Variants in GRHL1 observed in about 807,000 individuals in gnomAD.
The protein encoded by GRHL1 is grainyhead-like protein 1 homolog.
GRHL1 carries 38 observed loss-of-function variants against 75.7 expected under a neutral mutation model. The observed-to-expected ratio is 0.50, with a 90% CI of 0.39 to 0.66. The LOEUF (loss-of-function observed/expected upper bound fraction) is 0.66. Among genes scored for constraint, GRHL1 ranks in the 30% least tolerant of loss-of-function variants. The pLI is 0.00. For missense variants in GRHL1, 589 were observed against 767.5 expected (o/e 0.77, Z 2.75); for synonymous variants, 266 against 279.4 (o/e 0.95, Z 0.48).
At chr2:9,969,874 A>T (rs4635506) in intron 8 of GRHL1, among the ~76,000 whole-genome samples, 1 of 135,920 alleles carries the variant, frequency 7.4e-6, no homozygotes, top group Admixed American at 7.9e-5. Flanking sequence ...ATGGAGTCTC[A>T]CTCTTTCGCC....
Position 9,965,300 on chromosome 2 carries a change from A to G in GRHL1, c.1029A>G (p.Glu343=). ...QRCIDIADYK[E]SFNTISNIEE... Reference sequence around the variant, plus strand: ...CGCTTCCTGTAGCTGACTATAAAGAAAGCTTCAACACTATCAGTAACATCG... The same window carrying G: ...CGCTTCCTGTAGCTGACTATAAAGAGAGCTTCAACACTATCAGTAACATCG... The change falls in exon 8 of 16, where the codon GAA becomes GAG. Residue 343 remains glutamate, a synonymous_variant. Transcript: ENST00000324907. 6.3e-7 allele frequency: 1 copy of G among 1,599,878 alleles called. No individual in the cohort carries two copies. Among genetic ancestry groups the G allele is most frequent in the Non-Finnish European group, 8.6e-7 (1 of 1,167,140 alleles).
chr2:9,990,679 C>T lies in GRHL1; in HGVS notation c.1270-17C>T, dbSNP rs191024956. ...ATTGGAAAACAGAATCATATCTTGT[C>T]TTCTCTTAACCTACAGGGAGCTGAG... On this transcript the variant is annotated splice_polypyrimidine_tract_variant and intron_variant, in intron 9 of 15. Coordinates refer to ENST00000324907, the MANE Select transcript of GRHL1 (RefSeq NM_198182.3). This position sits in a 1 kb window ranked among gnomAD's most constrained non-coding sequence, Gnocchi z 4.2. The T allele has an allele frequency of 1.4e-3, 2,194 of 1,547,278 alleles. 2 individuals are homozygous for T. The highest frequency in any genetic ancestry group is 1.8e-3 in the Non-Finnish European group (1,979 of 1,128,444).
In GRHL1 at chr2:9,998,476, A is replaced by G; in HGVS notation, c.1678-489A>G. The stretch of plus-strand genomic sequence containing the variant: ...TATATATACATATATATACGTATAT[A>G]TATACATATATATACGTATATATAC... On this transcript the variant is annotated intron_variant, in intron 14 of 15. Coordinates refer to ENST00000324907, the MANE Select transcript of GRHL1 (RefSeq NM_198182.3). Among the ~76,000 whole-genome samples, 2 of 34,052 alleles carry G rather than the reference A, an allele frequency of 5.9e-5. 1 individual carries two copies. Among genetic ancestry groups the G allele is most frequent in the Admixed American group, 7.1e-4 (2 of 2,832 alleles). The allele number at this position is 34,052 out of a possible 152,430, so 22.3% of individuals were successfully genotyped here. A position where few individuals can be genotyped will look rare whatever the true frequency, so the allele number is the denominator to read the frequency against.
rs1407096392 is a variant in GRHL1 at position 9,968,079 on chromosome 2, ACAT to A, written c.1110+2700_1110+2702del. ...GATGAGTAAAACTGAAAATCTGTCA[ACAT>A]CTGAATCTTACCTGTAGCTTCTGCT... On this transcript the variant is annotated intron_variant, in intron 8 of 15. Coordinates refer to ENST00000324907, the MANE Select transcript of GRHL1 (RefSeq NM_198182.3). This position sits in a 1 kb window ranked among gnomAD's most constrained non-coding sequence, Gnocchi z 4.7. 6.6e-6 allele frequency among the ~76,000 whole-genome samples: 1 copy of A among 152,188 alleles called. No individual in the cohort carries two copies. The highest frequency in any genetic ancestry group is 2.4e-5 in the African/African-American group (1 of 41,440).
chr2:9,977,082 G>A (rs1003587445), intron 8 of GRHL1, among the ~76,000 whole-genome samples: 2 of 152,134 alleles, frequency 1.3e-5, no homozygotes, highest in Non-Finnish European at 2.9e-5. Context: ...TGTTTAGGGG[G>A]TCCTCTACTA....
chr2:9,973,000 T>C (rs1667796665), intron 8 of GRHL1, among the ~76,000 whole-genome samples: 3 of 152,086 alleles, frequency 2.0e-5, no homozygotes, highest in African/African-American at 7.2e-5. Context: ...TGCTGACTCG[T>C]CTTTGTTTTT....
In GRHL1 at chr2:9,958,803, G is replaced by A. The variant is rs1336001946; in HGVS notation, c.225G>A (p.Arg75=). ...AATATCAGGTTCCAAGAGAGAGAAG[G>A]TCATCAACAGCAAAGCCAGAGGTGG... ...YDYYKVPRER[R]SSTAKPEVEH... Residue 75 remains arginine, a synonymous_variant, in exon 3 of 16, where the codon AGG becomes AGA. Coordinates refer to ENST00000324907, the MANE Select transcript of GRHL1 (RefSeq NM_198182.3). 2 of 1,613,610 alleles carry A rather than the reference G, an allele frequency of 1.2e-6. No individual in the cohort carries two copies. The highest frequency in any genetic ancestry group is 1.7e-6 in the Non-Finnish European group (2 of 1,179,564).
intron 12 of GRHL1, 73 bp from the exon 13 acceptor site, chr2:9,995,806 G>GGCT: frequency 1.3e-6 from 1 of 799,750 alleles, no homozygotes; most frequent in Non-Finnish European, 2.1e-6. Flanking sequence ...TTCCATGACA[G>GGCT]GCTCTAAAAC....
Position 9,998,773 on chromosome 2 carries a change from C to CATATATACGTATATATATGTACACACAT in GRHL1, c.1678-166_1678-139dup, listed in dbSNP as rs1558321237. ...ATATATACGTATATATATGTACACA[C>CATATATACGTATATATATGTACACACAT]ATATATACGTATATATATGTACACA... On this transcript the variant is annotated intron_variant, in intron 14 of 15. Coordinates refer to ENST00000324907, the MANE Select transcript of GRHL1 (RefSeq NM_198182.3). 9.2e-4 allele frequency among the ~76,000 whole-genome samples: 26 copies of CATATATACGTATATATATGTACACACAT among 28,386 alleles called. 4 individuals are homozygous for CATATATACGTATATATATGTACACACAT. The highest frequency in any genetic ancestry group is 1.4e-3 in the Non-Finnish European group (24 of 16,770). The allele number at this position is 28,386 out of a possible 152,430, so 18.6% of individuals were successfully genotyped here. A position where few individuals can be genotyped will look rare whatever the true frequency, so the allele number is the denominator to read the frequency against.
At chr2:9,964,790 T>C (rs1667421071) in intron 7 of GRHL1, 1 of 169,928 alleles carries the variant, frequency 5.9e-6, no homozygotes, top group South Asian at 1.6e-4. Context: ...AACCTCTCTG[T>C]GGGCTGTAGT....
intron 14 of GRHL1, among the ~76,000 whole-genome samples, chr2:9,997,078 T>C (rs1668895489): frequency 6.6e-6 from 1 of 152,198 alleles, no homozygotes; most frequent in Admixed American, 6.5e-5. Context: ...GCTCAAAGTG[T>C]GTCCATAATT....
At position 9,996,030 on chromosome 2, in the gene GRHL1, C is replaced by T; in HGVS notation, c.1591+60C>T. 2.8e-6 allele frequency: 3 copies of T among 1,069,442 alleles called. No homozygotes were observed. In the Admixed American group the frequency reaches 5.3e-5, roughly 19 times the overall value. 66.2% of individuals were successfully genotyped at this position (1,069,442 alleles called of 1,614,324 possible). On this transcript the variant is annotated intron_variant, in intron 13 of 15. Coordinates refer to ENST00000324907, the MANE Select transcript of GRHL1 (RefSeq NM_198182.3). ...AATCAGAAGTGAGTTCAGAATCTAT[C>T]AAAAGCATAAATGGTTCAAGCACAT...
In GRHL1 at chr2:9,965,317, G is replaced by A. The variant is rs771855601; in HGVS notation, c.1046G>A (p.Ser349Asn). ...TATAAAGAAAGCTTCAACACTATCA[G>A]TAACATCGAGGAGATTGCGTATAAC... The part of the protein sequence containing the change: ...ADYKESFNTI[S>N]NIEEIAYNAI... Residue 349 changes from serine (S) to asparagine (N), a missense_variant, in exon 8 of 16, where the codon AGT becomes AAT. Around this residue, in one of 5 missense-constraint regions of GRHL1, gnomAD observed 362 missense variants for 461.8 expected, o/e 0.78. Coordinates refer to ENST00000324907, the MANE Select transcript of GRHL1 (RefSeq NM_198182.3). 89 of 1,609,974 alleles carry A rather than the reference G, an allele frequency of 5.5e-5. No homozygotes were observed. The highest frequency in any genetic ancestry group is 7.4e-5 in the Non-Finnish European group (87 of 1,176,342).
At position 9,990,636 on chromosome 2, in the gene GRHL1, T is replaced by C; in HGVS notation, c.1270-60T>C. On this transcript the variant is annotated intron_variant, in intron 9 of 15. Coordinates refer to ENST00000324907, the MANE Select transcript of GRHL1 (RefSeq NM_198182.3). The surrounding 1 kb of genome is among the most constrained non-coding windows in gnomAD (Gnocchi z 4.2). ...CTTCTTCCATTGGTCAGGATAAGAG[T>C]TAAATATTTTAAAGAAGATTGGAAA... The C allele has an allele frequency of 9.3e-7, 1 of 1,078,992 alleles. No individual in the cohort carries two copies. The highest frequency in any genetic ancestry group is 1.4e-6 in the Non-Finnish European group (1 of 733,356). 66.8% of individuals were successfully genotyped at this position (1,078,992 alleles called of 1,614,324 possible).
intron 1 of GRHL1, chr2:9,953,044 A>C (rs1666860933): frequency 2.2e-6 from 1 of 456,676 alleles, no homozygotes; most frequent in Non-Finnish European, 4.4e-6. Flanking sequence ...GAGGAAGTGG[A>C]CTAAGAAAGG....
At position 9,987,017 on chromosome 2, in the gene GRHL1, C is replaced by T. The variant is rs1295965433; in HGVS notation, c.1269+735C>T. On this transcript the variant is annotated intron_variant, in intron 9 of 15. Transcript: ENST00000324907. The surrounding 1 kb of genome is among the most constrained non-coding windows in gnomAD (Gnocchi z 4.2). Reference sequence around the variant, plus strand: ...TTTTTGAGACAGAGTCTGGTGCTGTCGCCCATGCTGGAGTGCAGTGGCGCA... The same window carrying T: ...TTTTTGAGACAGAGTCTGGTGCTGTTGCCCATGCTGGAGTGCAGTGGCGCA... Among the ~76,000 whole-genome samples the T allele has an allele frequency of 1.3e-5, 2 of 150,582 alleles. No individual in the cohort carries two copies. The highest frequency in any genetic ancestry group is 2.9e-5 in the Non-Finnish European group (2 of 67,854).
chr2:9,988,293 C>G (rs141008722), intron 9 of GRHL1, among the ~76,000 whole-genome samples: 44 of 152,316 alleles, frequency 2.9e-4, no homozygotes, highest in African/African-American at 9.6e-4. Context: ...CAGGATTTTT[C>G]TGAATATTCT....
chr2:9,964,336 C>T lies in GRHL1; in HGVS notation c.1005C>T (p.Cys335=). 6.4e-7 allele frequency: 1 copy of T among 1,570,228 alleles called. No homozygotes were observed. Among genetic ancestry groups the T allele is most frequent in the Non-Finnish European group, 8.8e-7 (1 of 1,140,620 alleles). Residue 335 remains cysteine, a synonymous_variant, in exon 7 of 16, where the codon TGC becomes TGT. Coordinates refer to ENST00000324907, the MANE Select transcript of GRHL1 (RefSeq NM_198182.3). ...HSRQHTAKQR[C]IDIADYKESF... ...GGCAGCACACCGCTAAACAAAGATG[C>T]ATTGACATAGGTAAGCAGCTCAAGA...
chr2:9,991,926 C>T (rs745688432), intron 10 of GRHL1, 81 bp from the exon 11 acceptor site: 90 of 1,091,006 alleles, frequency 8.2e-5, no homozygotes, highest in Non-Finnish European at 1.1e-4. Context: ...TACTCAGAGG[C>T]GAGCACTCTG....
Sources: gnomAD v4.1 joint callset for allele counts (sites outside exome capture counted in the v4.1 genomes callset) on GRCh38, gnomAD v4.1.1 for gene constraint, gnomAD v4.1.1 regional missense constraint, Gnocchi (gnomAD v3.1) non-coding constraint, MANE v1.5 for transcripts, NCBI Gene and HGNC (gene_info 2026-07-23, HGNC 2026-07-21) for gene names.